Variants in OTOGL observed in about 807,000 individuals in gnomAD.
The protein encoded by OTOGL is otogelin like.
In OTOGL, 285 loss-of-function variants were observed where a neutral mutation model predicts 318.5. The observed-to-expected ratio is 0.89, with a 90% CI of 0.81 to 0.99. The LOEUF (loss-of-function observed/expected upper bound fraction) is 0.99. Among genes scored for constraint, OTOGL ranks in the 50% least tolerant of loss-of-function variants. The pLI is 0.00. For missense variants in OTOGL, 2,899 were observed against 2,845.6 expected (o/e 1.02, Z -0.43); for synonymous variants, 987 against 936.5 (o/e 1.05, Z -0.99).
chr12:80,157,906 T>C (rs1464690393), intron 1 of OTOGL, among the ~76,000 whole-genome samples: 4 of 152,166 alleles, frequency 2.6e-5, no homozygotes, highest in Non-Finnish European at 5.9e-5. Flanking sequence ...TCAATTTCTG[T>C]TGTAAATTCC....
At chr12:80,195,780 G>A (rs968139465) in intron 1 of OTOGL, among the ~76,000 whole-genome samples, 2 of 152,086 alleles carry the variant, frequency 1.3e-5, no homozygotes, top group South Asian at 2.1e-4. Context: ...TTTGTGAGCC[G>A]GTTGAAATCA....
chr12:80,368,667 A>G (rs1890700561), intron 55 of OTOGL, among the ~76,000 whole-genome samples: 1 of 152,100 alleles, frequency 6.6e-6, no homozygotes, highest in African/African-American at 2.4e-5. Flanking sequence ...TGTTTCTTGA[A>G]TTTGAATATT....
At chr12:80,338,902 G>GTTAATTTTATT in intron 42 of OTOGL, among the ~76,000 whole-genome samples, 173 bp from the exon 43 acceptor site, 1 of 151,988 alleles carries the variant, frequency 6.6e-6, no homozygotes, top group South Asian at 2.1e-4. Context: ...CACAGCAAAG[G>GTTAATTTTATT]AACAATAAAA....
At chr12:80,286,748 C>T (rs1045875361) in intron 26 of OTOGL, among the ~76,000 whole-genome samples, 3 of 150,294 alleles carry the variant, frequency 2.0e-5, no homozygotes, top group African/African-American at 7.3e-5. Flanking sequence ...TATTGTGTCT[C>T]TATGCAAATA....
At chr12:80,162,673 T>C (rs1398986512) in intron 1 of OTOGL, among the ~76,000 whole-genome samples, 1 of 152,078 alleles carries the variant, frequency 6.6e-6, no homozygotes, top group Admixed American at 6.6e-5. Context: ...TGTCTGTCTC[T>C]GTCCAAATTT....
chr12:80,276,998 TAATTTTTATAATCTTG>T (rs541024573), intron 24 of OTOGL, among the ~76,000 whole-genome samples: 45 of 151,396 alleles, frequency 3.0e-4, no homozygotes, highest in Admixed American at 1.5e-3. Flanking sequence ...AATTCCATGT[TAATTTTTATAATCTTG>T]AATTTTTATA....
intron 17 of OTOGL, 52 bp from the exon 18 acceptor site, chr12:80,257,773 G>T: frequency 1.4e-6 from 2 of 1,402,176 alleles, no homozygotes; most frequent in South Asian, 2.8e-5. Flanking sequence ...TAGCATTTCA[G>T]AACACCGTCT....
intron 44 of OTOGL, among the ~76,000 whole-genome samples, chr12:80,344,826 A>G (rs1889056488): frequency 9.8e-6 from 1 of 101,704 alleles, no homozygotes; most frequent in Admixed American, 9.4e-5. Flanking sequence ...CACAAGGAAC[A>G]TCTTGCTTTT....
At chr12:80,329,224 T>C in intron 37 of OTOGL, 105 bp downstream of exon 37, 2 of 872,750 alleles carry the variant, frequency 2.3e-6, no homozygotes, top group African/African-American at 1.8e-5. Context: ...TAATACTACC[T>C]ATGGGCTAGG....
At chr12:80,258,071 A>T (rs1882222641) in intron 18 of OTOGL, 69 bp downstream of exon 18, 32 of 1,316,374 alleles carry the variant, frequency 2.4e-5, no homozygotes, top group Non-Finnish European at 3.2e-5. Context: ...ATTCATTAAA[A>T]ATGTTTACTT....
At chr12:80,227,816 T>G (rs904740776) in intron 7 of OTOGL, among the ~76,000 whole-genome samples, 2 of 152,178 alleles carry the variant, frequency 1.3e-5, no homozygotes, top group Admixed American at 1.3e-4. Context: ...CCATCTTTAC[T>G]AGAAGTTCAT....
intron 1 of OTOGL, among the ~76,000 whole-genome samples, chr12:80,116,302 G>A (rs1207174443): frequency 6.6e-6 from 1 of 152,026 alleles, no homozygotes; most frequent in Admixed American, 6.6e-5. Context: ...GGATAGGGGA[G>A]AGAGTTCCCC....
At chr12:80,141,241 G>A (rs1043197079) in intron 1 of OTOGL, among the ~76,000 whole-genome samples, 1 of 152,216 alleles carries the variant, frequency 6.6e-6, no homozygotes, top group African/African-American at 2.4e-5. Flanking sequence ...ATAAAAGTAA[G>A]CCGTGGCATT....
rs183733046 is a variant in OTOGL, at chr12:80,287,965, A to G, written c.2928+8799A>G. Among the ~76,000 whole-genome samples, 5 of 152,220 alleles carry G rather than the reference A, an allele frequency of 3.3e-5. No homozygotes were observed. The East Asian group carries it at 9.6e-4, about 29-fold the overall frequency. ...ATGATGCTAGCTGGTTATTCTGCACATTAGTTGATGCAGTTTCTTCATCGT... is the reference window on the plus strand; with the variant it reads ...ATGATGCTAGCTGGTTATTCTGCACGTTAGTTGATGCAGTTTCTTCATCGT... On this transcript the variant is annotated intron_variant, in intron 26 of 58. Transcript: ENST00000547103.
At chr12:80,249,727 A>G (rs1406090427) in intron 11 of OTOGL, among the ~76,000 whole-genome samples, 1 of 152,172 alleles carries the variant, frequency 6.6e-6, no homozygotes, top group Non-Finnish European at 1.5e-5. Flanking sequence ...TGTTTACCTA[A>G]GGAAGCCTGG....
intron 1 of OTOGL, among the ~76,000 whole-genome samples, chr12:80,178,057 CTTTCTTTTTTTTTTTTT>C (rs1874650108): frequency 8.0e-6 from 1 of 125,418 alleles, no homozygotes; most frequent in East Asian, 2.4e-4. Context: ...TTCTTTCTTT[CTTTCTTTTTTTTTTTTT>C]TTTTTTTTGA....
At chr12:80,324,153 G>T (rs1887532979) in intron 35 of OTOGL, among the ~76,000 whole-genome samples, 1 of 152,166 alleles carries the variant, frequency 6.6e-6, no homozygotes, top group South Asian at 2.1e-4. Flanking sequence ...ATATTGTTAT[G>T]GCGGATATGT....
intron 7 of OTOGL, among the ~76,000 whole-genome samples, chr12:80,228,217 G>A (rs865943523): frequency 6.6e-6 from 1 of 152,122 alleles, no homozygotes; most frequent in South Asian, 2.1e-4. Flanking sequence ...GAGGTGGTTG[G>A]ATCACTTGAG....
At chr12:80,276,535 A>C (rs910553621) in intron 24 of OTOGL, among the ~76,000 whole-genome samples, 4 of 151,838 alleles carry the variant, frequency 2.6e-5, no homozygotes, top group Admixed American at 6.6e-5. Context: ...AAGTATAGGG[A>C]GTATGTGAAG....
Sources: gnomAD v4.1 joint callset for allele counts (sites outside exome capture counted in the v4.1 genomes callset) on GRCh38, gnomAD v4.1.1 for gene constraint, MANE v1.5 for transcripts, NCBI Gene and HGNC (gene_info 2026-07-23, HGNC 2026-07-21) for gene names.